The following CTNNA3 variants were observed in gnomAD, a reference collection of about 807,000 sequenced individuals.
CTNNA3 encodes the protein catenin alpha 3.
A neutral mutation model predicts 95.7 loss-of-function variants in CTNNA3; 76 were observed. The observed-to-expected ratio is 0.79, with a 90% CI of 0.66 to 0.96. CTNNA3 has a LOEUF of 0.96. Ranked by LOEUF, CTNNA3 falls within the 40% of genes least tolerant of loss-of-function variation. CTNNA3 has a pLI of 0.00. For synonymous variants in CTNNA3, 431 were observed against 374.4 expected, an observed-to-expected ratio of 1.15 and a Z score of -1.74; for missense variants, 1,191 against 1,089.8, an observed-to-expected ratio of 1.09 and a Z score of -1.31.
At chr10:67,351,282 T>G (rs1021832904) in intron 5 of CTNNA3, among the ~76,000 whole-genome samples, 9 of 151,900 alleles carry the variant, frequency 5.9e-5, no homozygotes, top group African/African-American at 1.9e-4. Flanking sequence ...ATCTTAACTG[T>G]GGTAATGGGT....
intron 5 of CTNNA3, among the ~76,000 whole-genome samples, chr10:67,330,612 C>T (rs1041668323): frequency 6.6e-6 from 1 of 151,986 alleles, no homozygotes; most frequent in African/African-American, 2.4e-5. Context: ...ACAGAGTTAC[C>T]ACTACAGTTT....
intron 12 of CTNNA3, among the ~76,000 whole-genome samples, chr10:66,304,109 A>G (rs1044226823): frequency 6.6e-6 from 1 of 152,166 alleles, no homozygotes; most frequent in African/African-American, 2.4e-5. Flanking sequence ...TATTTCAAAG[A>G]AGTGAAATAA....
intron 7 of CTNNA3, among the ~76,000 whole-genome samples, chr10:66,970,774 C>G (rs1055690892): frequency 2.6e-5 from 4 of 151,998 alleles, no homozygotes; most frequent in African/African-American, 7.3e-5. Flanking sequence ...AATGATTGCC[C>G]AAGTGATATT....
At chr10:67,230,998 G>A (rs577713646) in intron 5 of CTNNA3, among the ~76,000 whole-genome samples, 82 of 152,334 alleles carry the variant, frequency 5.4e-4, no homozygotes, top group African/African-American at 1.9e-3. Context: ...AGGAGACTGT[G>A]TCCCGCACCT....
At chr10:67,676,567 C>A (rs1354525611) in intron 1 of CTNNA3, among the ~76,000 whole-genome samples, 1 of 152,118 alleles carries the variant, frequency 6.6e-6, no homozygotes, top group Non-Finnish European at 1.5e-5. Context: ...CTGGGGGCAT[C>A]TTCATTCACA....
chr10:66,125,099 C>A (rs2082760370), intron 13 of CTNNA3, among the ~76,000 whole-genome samples: 1 of 152,174 alleles, frequency 6.6e-6, no homozygotes, highest in South Asian at 2.1e-4. Flanking sequence ...ATCTGCCCTT[C>A]AAGAAACATT....
intron 7 of CTNNA3, among the ~76,000 whole-genome samples, chr10:67,041,934 A>G (rs1854416976): frequency 6.6e-6 from 1 of 152,156 alleles, no homozygotes; most frequent in Admixed American, 6.5e-5. Context: ...GGGGTATCAA[A>G]AAGTTTGTGA....
At chr10:66,460,522 G>T (rs1238577325) in intron 11 of CTNNA3, among the ~76,000 whole-genome samples, 2 of 152,074 alleles carry the variant, frequency 1.3e-5, no homozygotes, top group South Asian at 4.2e-4. Flanking sequence ...GTTCTAGAAG[G>T]TTTTTTCCCC....
chr10:67,476,025 T>C (rs769932688), intron 5 of CTNNA3, among the ~76,000 whole-genome samples: 5 of 152,162 alleles, frequency 3.3e-5, no homozygotes, highest in East Asian at 1.9e-4. Flanking sequence ...AGCCAGAGGA[T>C]TGTAATCATT....
intron 12 of CTNNA3, among the ~76,000 whole-genome samples, chr10:66,319,824 A>G (rs1283100269): frequency 6.6e-6 from 1 of 152,178 alleles, no homozygotes; most frequent in Non-Finnish European, 1.5e-5. Flanking sequence ...CCCACTCTTC[A>G]AAGGAAGAGA....
chr10:67,481,421 T>A (rs1848224046), intron 5 of CTNNA3, among the ~76,000 whole-genome samples: 1 of 152,076 alleles, frequency 6.6e-6, no homozygotes, highest in Non-Finnish European at 1.5e-5. Flanking sequence ...ATAAACAACT[T>A]CAGTAAAGTG....
At chr10:67,215,434 T>C (rs1864313400) in intron 6 of CTNNA3, among the ~76,000 whole-genome samples, 1 of 152,176 alleles carries the variant, frequency 6.6e-6, no homozygotes. Context: ...CTTGGAACCG[T>C]ATGAGAATTT....
intron 5 of CTNNA3, among the ~76,000 whole-genome samples, chr10:67,458,160 C>A (rs570721159): frequency 6.6e-6 from 1 of 152,200 alleles, no homozygotes; most frequent in South Asian, 2.1e-4. Context: ...CATTTACCAT[C>A]AGAAATCTTC....
chr10:67,281,832 G>T (rs1839412027), intron 5 of CTNNA3, among the ~76,000 whole-genome samples: 1 of 152,004 alleles, frequency 6.6e-6, no homozygotes, highest in Admixed American at 6.6e-5. Context: ...TTACTTTTTA[G>T]AGGACATTTT....
Position 66,280,557 on chromosome 10 carries a change from A to T in CTNNA3, c.1797T>A (p.Asn599Lys), listed in dbSNP as rs1372528134. Residue 599 changes from asparagine (N) to lysine (K), a missense_variant, in exon 13 of 18, where the codon AAT becomes AAA. Transcript: ENST00000433211. ...ALEALSKSSL[N>K]VLDDNQFVDI... ...CCACAAATTGATTATCATCCAACAC[A>T]TTCAATGAGCTTTTGCTTAAGGCTT... 6 of 1,609,678 alleles carry T rather than the reference A, an allele frequency of 3.7e-6. No individual in the cohort carries two copies. The Admixed American group carries it at 8.4e-5, about 22-fold the overall frequency.
At chr10:66,028,731 AC>A (rs2133449794) in intron 15 of CTNNA3, among the ~76,000 whole-genome samples, 1 of 152,196 alleles carries the variant, frequency 6.6e-6, no homozygotes, top group Admixed American at 6.5e-5. Context: ...GTACTCTAAA[AC>A]TTAAAGTATA....
intron 3 of CTNNA3, among the ~76,000 whole-genome samples, chr10:67,581,839 T>G (rs570169096): frequency 2.6e-5 from 4 of 152,094 alleles, no homozygotes; most frequent in Non-Finnish European, 5.9e-5. Context: ...TTTCTAGTTT[T>G]TTTGTGTAGA....
At chr10:67,586,732 T>A (rs1440524383) in intron 3 of CTNNA3, among the ~76,000 whole-genome samples, 1 of 152,180 alleles carries the variant, frequency 6.6e-6, no homozygotes, top group Non-Finnish European at 1.5e-5. Flanking sequence ...AGATCTTTTT[T>A]AAATTAATTC....
intron 6 of CTNNA3, among the ~76,000 whole-genome samples, chr10:67,211,389 A>G (rs1864133447): frequency 6.6e-6 from 1 of 152,176 alleles, no homozygotes; most frequent in Non-Finnish European, 1.5e-5. Flanking sequence ...GGGGTCTAAG[A>G]GTCCCAAGAA....
Sources: allele counts gnomAD v4.1 joint callset (sites outside exome capture counted in the v4.1 genomes callset), GRCh38; gene constraint gnomAD v4.1.1; transcripts MANE v1.5; gene names NCBI Gene and HGNC (gene_info 2026-07-23, HGNC 2026-07-21).